BCAS4: variants seen among roughly 807,000 people sequenced by gnomAD.
BCAS4 encodes breast carcinoma-amplified sequence 4.
BCAS4 carries 9 observed loss-of-function variants against 15.7 expected under a neutral mutation model. The observed-to-expected ratio is 0.57, with a 90% CI of 0.34 to 1.00. The LOEUF (loss-of-function observed/expected upper bound fraction) is 1.00. Among genes scored for constraint, BCAS4 ranks in the 50% least tolerant of loss-of-function variants. The pLI is 0.02. For synonymous variants in BCAS4, 101 were observed against 99.5 expected, an observed-to-expected ratio of 1.02 and a Z score of -0.09; for missense variants, 225 against 239.1, an observed-to-expected ratio of 0.94 and a Z score of 0.39.
intron 4 of BCAS4, among the ~76,000 whole-genome samples, chr20:50,869,909 C>A (rs1027636776): frequency 3.3e-5 from 5 of 152,012 alleles, no homozygotes; most frequent in African/African-American, 4.8e-5. Flanking sequence ...CCACCACACC[C>A]AGCTAATTTT....
intron 2 of BCAS4, among the ~76,000 whole-genome samples, chr20:50,825,969 G>A (rs1439168736): frequency 1.3e-5 from 2 of 152,138 alleles, no homozygotes; most frequent in African/African-American, 2.4e-5. Context: ...TTTAGGGGGC[G>A]AGGGTGGTCC....
intron 3 of BCAS4, among the ~76,000 whole-genome samples, chr20:50,832,546 C>G (rs1397022194): frequency 6.6e-6 from 1 of 152,206 alleles, no homozygotes; most frequent in Non-Finnish European, 1.5e-5. Flanking sequence ...GCATGAGCCA[C>G]CACACTCATC....
intron 4 of BCAS4, among the ~76,000 whole-genome samples, chr20:50,852,521 A>G (rs1173703056): frequency 6.6e-6 from 1 of 152,080 alleles, no homozygotes; most frequent in Non-Finnish European, 1.5e-5. Flanking sequence ...AGCTGAGACT[A>G]CAGGTGCCCG....
chr20:50,856,058 A>G (rs935935799), intron 4 of BCAS4, among the ~76,000 whole-genome samples: 1 of 152,104 alleles, frequency 6.6e-6, no homozygotes, highest in African/African-American at 2.4e-5. Context: ...AGCCCACGAC[A>G]GGCTGCTGGG....
intron 4 of BCAS4, among the ~76,000 whole-genome samples, chr20:50,854,138 A>C (rs78878722): frequency 0.064 from 9,676 of 152,122 alleles, 437 homozygotes; most frequent in African/African-American, 0.12. Context: ...ATGGAAAAGA[A>C]TACAAAGTTA....
At chr20:50,818,328 T>G in intron 2 of BCAS4, 46 bp downstream of exon 2, 1 of 1,190,150 alleles carries the variant, frequency 8.4e-7, no homozygotes, top group Non-Finnish European at 1.1e-6. Context: ...AGGCCAGACT[T>G]CAGGCCCTTG....
chr20:50,866,392 A>AGGCGG (rs1428301617), intron 4 of BCAS4, among the ~76,000 whole-genome samples: 1 of 152,214 alleles, frequency 6.6e-6, no homozygotes, highest in African/African-American at 2.4e-5. Flanking sequence ...CCTGCAGGCC[A>AGGCGG]GGCGGGGACA....
intron 1 of BCAS4, among the ~76,000 whole-genome samples, chr20:50,817,233 C>T (rs763041091): frequency 3.9e-5 from 6 of 152,076 alleles, no homozygotes; most frequent in Non-Finnish European, 8.8e-5. Flanking sequence ...CCACTGCTCC[C>T]GGCCATGGAC....
intron 4 of BCAS4, among the ~76,000 whole-genome samples, chr20:50,862,394 C>T (rs1979130217): frequency 6.6e-6 from 1 of 152,208 alleles, no homozygotes; most frequent in Non-Finnish European, 1.5e-5. Flanking sequence ...AATTATTCCC[C>T]AGACCTTGAA....
At chr20:50,853,638 T>A (rs1978571512) in intron 4 of BCAS4, among the ~76,000 whole-genome samples, 1 of 144,178 alleles carries the variant, frequency 6.9e-6, no homozygotes, top group Non-Finnish European at 1.5e-5. Flanking sequence ...TGTGGACATT[T>A]GGGGCCAGGT....
chr20:50,822,141 G>A (rs1445777503), intron 2 of BCAS4, among the ~76,000 whole-genome samples: 1 of 152,182 alleles, frequency 6.6e-6, no homozygotes, highest in East Asian at 1.9e-4. Context: ...GTTGGGGCTG[G>A]TTGGGGCTGG....
intron 4 of BCAS4, among the ~76,000 whole-genome samples, chr20:50,855,500 C>T (rs1344625642): frequency 1.3e-5 from 2 of 152,060 alleles, no homozygotes; most frequent in Non-Finnish European, 2.9e-5. Flanking sequence ...ATCCTCGCAT[C>T]CCCCTTCGTG....
intron 1 of BCAS4, among the ~76,000 whole-genome samples, chr20:50,804,047 C>CT (rs1168473601): frequency 6.6e-6 from 1 of 151,644 alleles, no homozygotes; most frequent in African/African-American, 2.4e-5. Context: ...ATCTGGATTT[C>CT]TTTTTTTTGA....
At chr20:50,842,234 G>A (rs1054683849) in intron 4 of BCAS4, among the ~76,000 whole-genome samples, 1 of 152,154 alleles carries the variant, frequency 6.6e-6, no homozygotes, top group Non-Finnish European at 1.5e-5. Context: ...CTAGAATTCC[G>A]GCCAGGTTGC....
chr20:50,858,418 A>G lies in BCAS4; in HGVS notation c.399+16518A>G, dbSNP rs367548360. 1.8e-4 allele frequency among the ~76,000 whole-genome samples: 27 copies of G among 152,094 alleles called. No individual in the cohort carries two copies. The East Asian group carries it at 5.2e-3, about 29-fold the overall frequency. On this transcript the variant is annotated intron_variant, in intron 4 of 4. Coordinates refer to ENST00000371608, the MANE Select transcript of BCAS4 (RefSeq NM_198799.4). ...AGAGTTTGAGACCAGCCTGGCCAAC[A>G]TGGTGAAACCCTGTCTGTACTAAAA...
chr20:50,840,518 A>G lies in BCAS4; in HGVS notation c.265-1248A>G, dbSNP rs1007050485. 3.6e-6 allele frequency: 5 copies of G among 1,376,310 alleles called. No homozygotes were observed. The African/African-American group carries it at 7.2e-5, about 20-fold the overall frequency. The allele number at this position is 1,376,310 out of a possible 1,614,324, so 85.3% of individuals were successfully genotyped here. A position where few individuals can be genotyped will look rare whatever the true frequency, so the allele number is the denominator to read the frequency against. On this transcript the variant is annotated intron_variant, in intron 3 of 4. Coordinates refer to ENST00000371608, the MANE Select transcript of BCAS4 (RefSeq NM_198799.4). ...AGCACAGTCATTTAAACTTGATCCA[A>G]CCTCTTTGCATCTTACAGAGTTAAA... is the stretch of plus-strand genomic sequence containing the variant.
chr20:50,858,443 A>G (rs1441020493), intron 4 of BCAS4, among the ~76,000 whole-genome samples: 1 of 151,998 alleles, frequency 6.6e-6, no homozygotes, highest in Non-Finnish European at 1.5e-5. Context: ...CTGTACTAAA[A>G]ATAGAAAAAT....
At chr20:50,874,406 C>G (rs1432330893) in intron 4 of BCAS4, among the ~76,000 whole-genome samples, 1 of 152,196 alleles carries the variant, frequency 6.6e-6, no homozygotes, top group East Asian at 1.9e-4. Flanking sequence ...CTACACGGCT[C>G]AGCACCCGGA....
At chr20:50,812,771 G>A (rs540245627) in intron 1 of BCAS4, among the ~76,000 whole-genome samples, 1 of 151,960 alleles carries the variant, frequency 6.6e-6, no homozygotes, top group African/African-American at 2.4e-5. Context: ...TGAATATTGT[G>A]CAAGTTTTTG....
Sources: allele counts gnomAD v4.1 joint callset (sites outside exome capture counted in the v4.1 genomes callset), GRCh38; gene constraint gnomAD v4.1.1; transcripts MANE v1.5; gene names NCBI Gene and HGNC (gene_info 2026-07-23, HGNC 2026-07-21).